CD109: variants seen among roughly 807,000 people sequenced by gnomAD.
CD109 encodes CD109 molecule.
A neutral mutation model predicts 165.8 loss-of-function variants in CD109; 149 were observed. The observed-to-expected ratio is 0.90, with a 90% CI of 0.79 to 1.03. CD109 has a LOEUF of 1.03. Among genes scored for constraint, CD109 ranks in the 50% least tolerant of loss-of-function variants. The pLI, the probability that CD109 is intolerant of heterozygous loss-of-function variation, is 0.00. For synonymous variants in CD109, 585 were observed against 592.1 expected (o/e 0.99, Z 0.18); for missense variants, 1,712 against 1,677.8 (o/e 1.02, Z -0.36).
At chr6:73,728,300 A>T (rs936759324) in intron 3 of CD109, among the ~76,000 whole-genome samples, 3 of 152,190 alleles carry the variant, frequency 2.0e-5, no homozygotes, top group Non-Finnish European at 4.4e-5. Flanking sequence ...ACAGAGCAAG[A>T]GTTCGTCTCA....
chr6:73,812,282 T>G lies in CD109; in HGVS notation c.3768+12T>G. 11 of 1,566,014 alleles carry G rather than the reference T, an allele frequency of 7.0e-6. No individual in the cohort carries two copies. The highest frequency in any genetic ancestry group is 1.7e-4 in the Middle Eastern group (1 of 5,938). On this transcript the variant is annotated intron_variant, in intron 29 of 32. Transcript: ENST00000287097. ...TTGCTATTTGTCAGGTATGTAACGA[T>G]GCTTATTTTTTTAAGTTAAATATGA...
chr6:73,736,564 T>A, intron 5 of CD109, 56 bp downstream of exon 5: 1 of 1,487,198 alleles, frequency 6.7e-7, no homozygotes, highest in Non-Finnish European at 9.1e-7. Context: ...TTAGGTCAGG[T>A]GGGGGAAAAT....
Position 73,785,456 on chromosome 6 carries a change from T to C in CD109, c.2316T>C (p.Asn772=). 6.3e-7 allele frequency: 1 copy of C among 1,580,804 alleles called. No individual in the cohort carries two copies. The change falls in exon 20 of 33, where the codon AAT becomes AAC. Residue 772 remains asparagine, a synonymous_variant. Transcript: ENST00000287097. ...EEFALEITIF[N]YLKDATEVKV... is the part of the protein sequence containing the mutation. ...TTGCTTTGGAAATAACTATATTCAA[T>C]TATTTGAAAGATGCCACTGAGGTAA...
chr6:73,687,369 CTCTT>C, the CD109 span, among the ~76,000 whole-genome samples: 43 of 151,248 alleles, frequency 2.8e-4, no homozygotes, highest in East Asian at 5.9e-4. Flanking sequence ...TCTTTCCTTC[CTCTT>C]TCTTTCTCTT....
intron 4 of CD109, among the ~76,000 whole-genome samples, chr6:73,734,285 G>T (rs907139645): frequency 5.5e-4 from 84 of 152,146 alleles, no homozygotes; most frequent in Non-Finnish European, 7.6e-4. Flanking sequence ...GGTCAGTTCA[G>T]ACTTCATTGT....
At chr6:73,792,221 G>A (rs1774994995) in intron 22 of CD109, among the ~76,000 whole-genome samples, 3 of 151,792 alleles carry the variant, frequency 2.0e-5, no homozygotes, top group Admixed American at 2.0e-4. Context: ...AAGTTCTTGT[G>A]GTGTATTAGT....
At chr6:73,713,332 TC>T (rs1771603383) in intron 2 of CD109, among the ~76,000 whole-genome samples, 2 of 152,180 alleles carry the variant, frequency 1.3e-5, no homozygotes, top group Admixed American at 1.3e-4. Flanking sequence ...TCTGAGTCGC[TC>T]CCTGGATCCA....
the CD109 span, among the ~76,000 whole-genome samples, chr6:73,681,241 T>A: frequency 2.0e-5 from 3 of 152,132 alleles, no homozygotes; most frequent in Admixed American, 6.6e-5. Context: ...ATGTGATATA[T>A]GTGATGTTTG....
In CD109 at chr6:73,783,750, A is replaced by G. The variant is rs770345564; in HGVS notation, c.2149A>G (p.Ile717Val). 2.5e-5 allele frequency: 40 copies of G among 1,613,076 alleles called. No homozygotes were observed. The highest frequency in any genetic ancestry group is 1.6e-4 in the Middle Eastern group (1 of 6,078). ...ATTTGAAGTAACTGTACCTGATTCT[A>G]TCACTTCTTGGGTGGCTACTGGTTT... The part of the protein sequence containing the change: ...QEFEVTVPDS[I>V]TSWVATGFVI... Residue 717 changes from isoleucine (I) to valine (V), a missense_variant, in exon 19 of 33, where the codon ATC becomes GTC. Transcript: ENST00000287097.
chr6:73,679,854 C>T, the CD109 span, among the ~76,000 whole-genome samples: 3 of 152,020 alleles, frequency 2.0e-5, no homozygotes, highest in Non-Finnish European at 2.9e-5. Context: ...AGGCTAGTCT[C>T]GAACTCCTGA....
At chr6:73,718,498 T>C (rs1414623785) in intron 2 of CD109, among the ~76,000 whole-genome samples, 1 of 152,174 alleles carries the variant, frequency 6.6e-6, no homozygotes, top group Non-Finnish European at 1.5e-5. Flanking sequence ...AAATTATCAA[T>C]TGAAATGATC....
chr6:73,696,590 T>G (rs914219012), intron 1 of CD109, among the ~76,000 whole-genome samples: 1 of 152,258 alleles, frequency 6.6e-6, no homozygotes, highest in Non-Finnish European at 1.5e-5. Context: ...GCCTTTTGCT[T>G]CTCAACTTTT....
chr6:73,736,933 G>A (rs927714936), intron 5 of CD109, among the ~76,000 whole-genome samples: 1 of 152,064 alleles, frequency 6.6e-6, no homozygotes, highest in Non-Finnish European at 1.5e-5. Flanking sequence ...TAGCTACACC[G>A]ACTGCTATTC....
rs750565332 is a variant in CD109 at position 73,768,059 on chromosome 6, T to C, written c.1502T>C (p.Val501Ala). The change falls in exon 14 of 33, where the codon GTA becomes GCA. Residue 501 changes from valine (V) to alanine (A), a missense_variant. Val to Ala is a moderately conservative substitution (Grantham distance 64). Transcript: ENST00000287097. ...KRLKELSYMVVSRGQLVAVGK... is the reference protein window; with the variant it reads ...KRLKELSYMVASRGQLVAVGK... ...CCCATCTACTGTTCTTTTCAGGTAG[T>C]ATCCAGGGGACAGTTGGTGGCTGTA... The C allele has an allele frequency of 1.2e-6, 2 of 1,612,152 alleles. No individual in the cohort carries two copies. Among genetic ancestry groups the C allele is most frequent in the Middle Eastern group, 1.6e-4 (1 of 6,066 alleles).
the CD109 span, among the ~76,000 whole-genome samples, chr6:73,686,403 A>T: frequency 1.3e-5 from 2 of 152,196 alleles, no homozygotes; most frequent in African/African-American, 2.4e-5. Flanking sequence ...CATCTGTGTG[A>T]TGTTTAATAC....
intron 2 of CD109, among the ~76,000 whole-genome samples, chr6:73,715,665 T>C (rs1433268932): frequency 6.6e-6 from 1 of 152,120 alleles, no homozygotes; most frequent in African/African-American, 2.4e-5. Flanking sequence ...ATGTATATAT[T>C]TACAGGGTAC....
rs1774784813 is a variant in CD109 at position 73,788,497 on chromosome 6, A to G, written c.2586A>G (p.Gln862=). 1 of 1,609,984 alleles carries G rather than the reference A, an allele frequency of 6.2e-7. No homozygotes were observed. Among genetic ancestry groups the G allele is most frequent in the Non-Finnish European group, 8.5e-7 (1 of 1,179,192 alleles). The change falls in exon 22 of 33, where the codon CAA becomes CAG. Residue 862 remains glutamine (Q), a synonymous_variant. Transcript: ENST00000287097. The part of the protein sequence containing the change: ...KAEGIEKSYS[Q]SILLDLTDNR... ...AAGGAATAGAAAAATCATATTCACA[A>G]TCCATCTTATTAGACTTGACTGACA...
chr6:73,706,947 G>C (rs1446034718), intron 2 of CD109, among the ~76,000 whole-genome samples: 1 of 152,194 alleles, frequency 6.6e-6, no homozygotes, highest in African/African-American at 2.4e-5. Context: ...ATAAGACAGG[G>C]AATTTATTAT....
intron 19 of CD109, 135 bp downstream of exon 19, chr6:73,783,959 G>T: frequency 5.3e-6 from 3 of 565,234 alleles, no homozygotes; most frequent in Admixed American, 3.4e-5. Context: ...TTGTCTTTTG[G>T]TTTTTATCTG....
Sources: allele counts gnomAD v4.1 joint callset (sites outside exome capture counted in the v4.1 genomes callset), GRCh38; gene constraint gnomAD v4.1.1; transcripts MANE v1.5; gene names NCBI Gene and HGNC (gene_info 2026-07-23, HGNC 2026-07-21).